Variants in MTRR observed in about 807,000 individuals in gnomAD.
MTRR encodes 5-methyltetrahydrofolate-homocysteine methyltransferase reductase, also known as methionine synthase reductase.
Under a neutral mutation model 79.2 loss-of-function variants are expected in MTRR, and 63 were observed. The observed-to-expected ratio is 0.80, with a 90% CI of 0.65 to 0.98. MTRR has a LOEUF of 0.98. MTRR is among the 50% of genes least tolerant of loss of function. The probability of loss-of-function intolerance (pLI) is 0.00; values close to 1 mark genes in which losing one functional copy is unlikely to be tolerated. For synonymous variants in MTRR, 355 were observed against 313.3 expected, an observed-to-expected ratio of 1.13 and a Z score of -1.41; for missense variants, 895 against 839.6, an observed-to-expected ratio of 1.07 and a Z score of -0.82.
At chr5:7,886,959 A>G (rs1274421118) in intron 8 of MTRR, among the ~76,000 whole-genome samples, 16 of 152,162 alleles carry the variant, frequency 1.1e-4, no homozygotes, top group Admixed American at 1.0e-3. Context: ...CTTAGTCTAA[A>G]TAGGGCTTTT....
chr5:7,867,271 A>G, upstream of MTRR: 3 of 1,613,850 alleles, frequency 1.9e-6, no homozygotes, highest in Non-Finnish European at 2.5e-6. Flanking sequence ...TTTGGTGTTC[A>G]TCCACTTTTT....
intron 1 of MTRR, chr5:7,857,013 T>G (rs556912126): frequency 6.9e-4 from 105 of 152,246 alleles, no homozygotes; most frequent in African/African-American, 2.4e-3. Context: ...CACTCTCTCC[T>G]CCAGAGATCC....
intron 4 of MTRR, 93 bp downstream of exon 4, chr5:7,875,468 A>G: frequency 8.9e-7 from 1 of 1,122,770 alleles, no homozygotes; most frequent in Non-Finnish European, 1.4e-6. Context: ...TTAACACTGA[A>G]ATTTTCCTCA....
chr5:7,862,794 A>C (rs1403089584), intron 2 of MTRR: 9 of 1,580,390 alleles, frequency 5.7e-6, no homozygotes, highest in Non-Finnish European at 7.8e-6. Flanking sequence ...GCTTAGGTTT[A>C]AAACAACAAA....
chr5:7,876,358 C>T (rs1734566286), intron 4 of MTRR, among the ~76,000 whole-genome samples: 1 of 152,172 alleles, frequency 6.6e-6, no homozygotes, highest in South Asian at 2.1e-4. Flanking sequence ...AGCTCATTGA[C>T]ATTAAATGCT....
chr5:7,866,877 A>T (rs1274811436), upstream of MTRR: 1 of 1,613,796 alleles, frequency 6.2e-7, no homozygotes, highest in East Asian at 2.2e-5. Flanking sequence ...CGAGGTGAAA[A>T]TTTTTCTGTT....
At chr5:7,855,889 G>A (rs1305018905) in intron 1 of MTRR, among the ~76,000 whole-genome samples, 4 of 152,170 alleles carry the variant, frequency 2.6e-5, no homozygotes, top group African/African-American at 9.7e-5. Flanking sequence ...AATTTCTTTT[G>A]ATGGAGCCCA....
At chr5:7,881,095 A>G (rs1405060430) in intron 5 of MTRR, among the ~76,000 whole-genome samples, 2 of 152,140 alleles carry the variant, frequency 1.3e-5, no homozygotes, top group Non-Finnish European at 2.9e-5. Context: ...AGCGGCCTAC[A>G]GCTCCTTTTA....
At position 7,895,816 on chromosome 5, in the gene MTRR, C is replaced by G; in HGVS notation, c.1640C>G (p.Thr547Ser). 6.2e-7 allele frequency: 1 copy of G among 1,614,134 alleles called. No individual in the cohort carries two copies. The highest frequency in any genetic ancestry group is 8.5e-7 in the Non-Finnish European group (1 of 1,179,986). ...SIPIIMVGPG[T>S]GIAPFIGFLQ... The stretch of plus-strand genomic sequence containing the variant: ...CCCATCATAATGGTGGGTCCAGGAA[C>G]CGGCATAGCCCCGTTTATTGGGTTC... The change falls in exon 12 of 15, where the codon ACC becomes AGC. Residue 547 changes from threonine to serine, a missense_variant. Coordinates refer to ENST00000440940, the MANE Select transcript of MTRR (RefSeq NM_002454.3).
At chr5:7,881,898 T>TA (rs748707318) in intron 5 of MTRR, among the ~76,000 whole-genome samples, 1 of 152,154 alleles carries the variant, frequency 6.6e-6, no homozygotes, top group Admixed American at 6.5e-5. Flanking sequence ...CCCTGCTACT[T>TA]ACGGTTGCAT....
chr5:7,885,497 G>A (rs1358001249), intron 6 of MTRR, among the ~76,000 whole-genome samples: 1 of 151,622 alleles, frequency 6.6e-6, no homozygotes, highest in Non-Finnish European at 1.5e-5. Flanking sequence ...CGTTTTAATA[G>A]TAACTGCTAA....
At chr5:7,867,228 AT>A (rs1352828554), upstream of MTRR, 5 of 1,614,090 alleles carry the variant, frequency 3.1e-6, no homozygotes, top group Non-Finnish European at 4.2e-6. Flanking sequence ...GAAACTATTG[AT>A]AGGGAAAAGT....
At position 7,873,507 on chromosome 5, in the gene MTRR, C is replaced by T. The variant is rs770540418; in HGVS notation, c.264C>T (p.His88=). The T allele has an allele frequency of 1.5e-5, 24 of 1,614,178 alleles. No homozygotes were observed. Among genetic ancestry groups the T allele is most frequent in the Non-Finnish European group, 1.9e-5 (23 of 1,180,026 alleles). ...CACTGCCGGTTGATTTCTTTGCTCA[C>T]CTGCGGTATGGGTTACTGGGTAATG... The part of the protein sequence containing the change: ...NQTLPVDFFA[H]LRYGLLGLGD... Residue 88 remains histidine, a synonymous_variant, in exon 3 of 15, where the codon CAC becomes CAT. Transcript: ENST00000440940.
upstream of MTRR, chr5:7,869,092 C>T (rs375439143): frequency 6.0e-5 from 97 of 1,607,482 alleles, no homozygotes; most frequent in Non-Finnish European, 7.8e-5. Flanking sequence ...GTGATTGGCC[C>T]AGGTCCCCTT....
chr5:7,860,707 C>A (rs1403998605), intron 1 of MTRR, among the ~76,000 whole-genome samples: 1 of 152,220 alleles, frequency 6.6e-6, no homozygotes, highest in Non-Finnish European at 1.5e-5. Context: ...AATCCCTGAG[C>A]AGACCAAGCC....
At position 7,869,216 on chromosome 5, in the gene MTRR, G is replaced by T; in HGVS notation, c.-26+1G>T. ...TTCGTGCCCGGCTGGCGCGGCGTGG[G>T]TAAGCTGCCTGTCGGCTACGGTTCC... On this transcript the variant is annotated splice_donor_variant, in intron 1 of 14. Transcript: ENST00000440940. LOFTEE classifies it low-confidence loss of function (5UTR_SPLICE). The T allele has an allele frequency of 6.2e-7, 1 of 1,606,306 alleles. No individual in the cohort carries two copies. The highest frequency in any genetic ancestry group is 8.5e-7 in the Non-Finnish European group (1 of 1,179,740).
chr5:7,883,390 G>A (rs1326014224), intron 6 of MTRR, 113 bp downstream of exon 6: 3 of 1,402,396 alleles, frequency 2.1e-6, no homozygotes, highest in Admixed American at 3.7e-5. Flanking sequence ...TACATATGCT[G>A]AGTTGTGTGC....
At chr5:7,883,649 C>T (rs1323329691) in intron 6 of MTRR, among the ~76,000 whole-genome samples, 2 of 152,180 alleles carry the variant, frequency 1.3e-5, no homozygotes, top group African/African-American at 4.8e-5. Context: ...TCTGACAGGA[C>T]ATCTTGCCAT....
intron 1 of MTRR, chr5:7,870,169 C>A: frequency 3.2e-6 from 2 of 618,990 alleles, no homozygotes; most frequent in Non-Finnish European, 4.1e-6. Context: ...GTATATATGC[C>A]CATACACTCA....
Sources: allele counts gnomAD v4.1 joint callset (sites outside exome capture counted in the v4.1 genomes callset), GRCh38; gene constraint gnomAD v4.1.1; transcripts MANE v1.5; gene names NCBI Gene and HGNC (gene_info 2026-07-23, HGNC 2026-07-21).